Variants in NDEL1 observed in about 807,000 individuals in gnomAD.
NDEL1 encodes nudE neurodevelopment protein 1 like 1.
Under a neutral mutation model 45.7 loss-of-function variants are expected in NDEL1, and 9 were observed. The ratio of observed to expected loss-of-function variants is 0.20; its 90% CI spans 0.12 to 0.34. The LOEUF (loss-of-function observed/expected upper bound fraction) is 0.34. Ranked by LOEUF, NDEL1 falls within the 10% of genes least tolerant of loss-of-function variation. The pLI is 1.00. For missense variants in NDEL1, 306 were observed against 406.2 expected, an observed-to-expected ratio of 0.75 and a Z score of 2.12; for synonymous variants, 133 against 158.6, an observed-to-expected ratio of 0.84 and a Z score of 1.21.
rs113962881 is a variant in NDEL1 at position 8,462,007 on chromosome 17, G to A, written c.944+1847G>A. ...CCCGCCACTTGCCTCCCAAGACAGA[G>A]CACCAGGGCAGGGATTGCCAAGAGG... On this transcript the variant is annotated intron_variant, in intron 8 of 8. Coordinates refer to ENST00000334527, the MANE Select transcript of NDEL1 (RefSeq NM_030808.5). Among the ~76,000 whole-genome samples the A allele has an allele frequency of 8.1e-3, 1,230 of 152,094 alleles. 21 individuals carry two copies. Among genetic ancestry groups the A allele is most frequent in the African/African-American group, 0.027 (1,120 of 41,476 alleles).
At chr17:8,468,699 A>G (rs549071572), downstream of NDEL1, among the ~76,000 whole-genome samples, 4 of 152,368 alleles carry the variant, frequency 2.6e-5, no homozygotes, top group South Asian at 8.3e-4. Flanking sequence ...AACAACAGAA[A>G]CATTTTATAG....
intron 3 of NDEL1, chr17:8,474,207 C>T (rs890687811): frequency 6.6e-6 from 1 of 152,666 alleles, no homozygotes; most frequent in Non-Finnish European, 1.5e-5. Flanking sequence ...AAAACAGATT[C>T]CACGTTCACA....
chr17:8,444,453 G>T (rs2151715461), intron 2 of NDEL1, 96 bp downstream of exon 2: 1 of 796,800 alleles, frequency 1.3e-6, no homozygotes, highest in East Asian at 2.6e-5. Flanking sequence ...GCTAAATTTA[G>T]AATTGCAGAT....
chr17:8,427,454 A>T (rs1908866185), intron 1 of NDEL1, among the ~76,000 whole-genome samples: 1 of 152,118 alleles, frequency 6.6e-6, no homozygotes, highest in Admixed American at 6.5e-5. Context: ...TAATCCCAGG[A>T]CTTTGGGAGG....
intron 1 of NDEL1, among the ~76,000 whole-genome samples, chr17:8,440,405 T>C (rs1273058631): frequency 6.6e-6 from 1 of 151,806 alleles, no homozygotes; most frequent in African/African-American, 2.4e-5. Context: ...TCCCAGCTAC[T>C]TAGGAGGCCG....
downstream of NDEL1, among the ~76,000 whole-genome samples, chr17:8,472,676 AGTT>A (rs1567749576): frequency 1.3e-5 from 2 of 152,270 alleles, no homozygotes; most frequent in East Asian, 1.9e-4. Context: ...AAAAAAAACA[AGTT>A]GTTATCCTTC....
upstream of NDEL1, among the ~76,000 whole-genome samples, chr17:8,435,511 G>A (rs1328743412): frequency 6.6e-6 from 1 of 152,252 alleles, no homozygotes; most frequent in Non-Finnish European, 1.5e-5. Flanking sequence ...GTTCGAGCAG[G>A]GGGAATGGAC....
At chr17:8,471,684 C>G (rs529996203), downstream of NDEL1, among the ~76,000 whole-genome samples, 2 of 152,186 alleles carry the variant, frequency 1.3e-5, no homozygotes, top group Non-Finnish European at 2.9e-5. Context: ...ATAGTGAATG[C>G]CTTTGAAAAG....
chr17:8,422,967 G>A lies in NDEL1; in HGVS notation c.-13+9698G>A, dbSNP rs955306046. On this transcript the variant is annotated intron_variant, in intron 1 of 4. Coordinates refer to the NDEL1 transcript ENST00000582812. Reference sequence around the variant, plus strand: ...GCTGGTCTTGAACTCCTGACCTCGTGATCCACCCGCCTCAGCCTCCCAAAG... The same window carrying A: ...GCTGGTCTTGAACTCCTGACCTCGTAATCCACCCGCCTCAGCCTCCCAAAG... Among the ~76,000 whole-genome samples, 13 of 151,956 alleles carry A rather than the reference G, an allele frequency of 8.6e-5. No homozygotes were observed. In the East Asian group the frequency reaches 2.1e-3, roughly 25 times the overall value.
At chr17:8,474,010 G>A (rs747440719) in intron 3 of NDEL1, among the ~76,000 whole-genome samples, 11 of 152,190 alleles carry the variant, frequency 7.2e-5, no homozygotes, top group East Asian at 1.9e-4. Context: ...TTCCTAGTGC[G>A]TGTGCATCCT....
At position 8,466,912 on chromosome 17, in the gene NDEL1, C is replaced by G; in HGVS notation, c.945-18C>G. On this transcript the variant is annotated intron_variant, in intron 8 of 8. Transcript: ENST00000334527. ...CGTTTCCCCTTTCTTCCCTTCTGTG[C>G]TCTGGTTGCTCCCACAGGGCAGTAA... 6.2e-7 allele frequency: 1 copy of G among 1,611,950 alleles called. No individual in the cohort carries two copies. Among genetic ancestry groups the G allele is most frequent in the Non-Finnish European group, 8.5e-7 (1 of 1,178,022 alleles).
At chr17:8,442,777 C>CTTTTTTTTTTT (rs34963430) in intron 1 of NDEL1, among the ~76,000 whole-genome samples, 4 of 84,116 alleles carry the variant, frequency 4.8e-5, no homozygotes, top group Admixed American at 1.7e-4. Context: ...TATTTATTTA[C>CTTTTTTTTTTT]TTTTTTTTTT....
At chr17:8,432,398 T>A (rs1909040024), upstream of NDEL1, among the ~76,000 whole-genome samples, 1 of 93,724 alleles carries the variant, frequency 1.1e-5, no homozygotes, top group African/African-American at 4.1e-5. Flanking sequence ...ATATATATAT[T>A]TTTTGAGACA....
chr17:8,432,445 C>T (rs9907073), upstream of NDEL1, among the ~76,000 whole-genome samples: 135,181 of 146,506 alleles, frequency 0.92, 63,413 homozygotes, highest in East Asian at 1. Context: ...AGTGTAGTGG[C>T]GCGATCTCGG....
intron 1 of NDEL1, among the ~76,000 whole-genome samples, chr17:8,417,721 T>A (rs1290769446): frequency 6.6e-6 from 1 of 151,736 alleles, no homozygotes; most frequent in Non-Finnish European, 1.5e-5. Flanking sequence ...CACGAGGGGG[T>A]CTCATCATTC....
chr17:8,419,140 A>G (rs1908642960), intron 1 of NDEL1, among the ~76,000 whole-genome samples: 1 of 152,066 alleles, frequency 6.6e-6, no homozygotes, highest in African/African-American at 2.4e-5. Context: ...GTGAGTCACC[A>G]CACCTGGCCT....
chr17:8,463,169 TATGTA>T lies in NDEL1; in HGVS notation c.944+3010_944+3014del, dbSNP rs1466681411. 5.2e-6 allele frequency: 3 copies of T among 573,676 alleles called. No homozygotes were observed. The Admixed American group carries it at 1.1e-4, about 21-fold the overall frequency. 35.5% of individuals were successfully genotyped at this position (573,676 alleles called of 1,614,324 possible). On this transcript the variant is annotated intron_variant, in intron 8 of 8. Transcript: ENST00000334527. ...AACACTCTTTTTTTTCCCATAACTT[TATGTA>T]GTTTCTTAGGTAACATGTGCTCTAT...
At chr17:8,422,674 A>G (rs1156911482) in intron 1 of NDEL1, among the ~76,000 whole-genome samples, 1 of 152,140 alleles carries the variant, frequency 6.6e-6, no homozygotes, top group Non-Finnish European at 1.5e-5. Flanking sequence ...CCCGTCGCCT[A>G]ATTTTCAACG....
At position 8,462,243 on chromosome 17, in the gene NDEL1, A is replaced by G. The variant is rs1413046580; in HGVS notation, c.944+2083A>G. On this transcript the variant is annotated intron_variant, in intron 8 of 8. Transcript: ENST00000334527. Reference sequence around the variant, plus strand: ...TGGTTTTAAATGGTAGACATTTTACATTGTGCCTTTTCTATTAAGAAATAT... The same window carrying G: ...TGGTTTTAAATGGTAGACATTTTACGTTGTGCCTTTTCTATTAAGAAATAT... Among the ~76,000 whole-genome samples, 7 of 152,040 alleles carry G rather than the reference A, an allele frequency of 4.6e-5. No individual in the cohort carries two copies. The South Asian group carries it at 1.0e-3, about 22-fold the overall frequency.
Sources: allele counts gnomAD v4.1 joint callset (sites outside exome capture counted in the v4.1 genomes callset), GRCh38; gene constraint gnomAD v4.1.1; transcripts MANE v1.5; gene names NCBI Gene and HGNC (gene_info 2026-07-23, HGNC 2026-07-21).